The following ESRRG variants were observed in gnomAD, a reference collection of about 807,000 sequenced individuals.
The protein encoded by ESRRG is estrogen related receptor gamma.
ESRRG carries 13 observed loss-of-function variants against 44.0 expected under a neutral mutation model. The observed-to-expected ratio is 0.30, with a 90% CI of 0.19 to 0.47. ESRRG has a LOEUF of 0.47. Ranked by LOEUF, ESRRG falls within the 20% of genes least tolerant of loss-of-function variation. ESRRG has a pLI of 1.00. For missense variants in ESRRG, 395 were observed against 580.6 expected, an observed-to-expected ratio of 0.68 and a Z score of 3.29; for synonymous variants, 215 against 214.6, an observed-to-expected ratio of 1.00 and a Z score of -0.02.
intron 1 of ESRRG, among the ~76,000 whole-genome samples, chr1:217,036,120 C>T (rs2082849832): frequency 6.6e-6 from 1 of 152,114 alleles, no homozygotes. Flanking sequence ...ACTATTATCT[C>T]AAGCCAGTCA....
chr1:216,773,983 T>A (rs1172772036), intron 2 of ESRRG, among the ~76,000 whole-genome samples: 3 of 152,094 alleles, frequency 2.0e-5, no homozygotes, highest in Non-Finnish European at 4.4e-5. Context: ...TAGAGTATGA[T>A]CTTTTGTTTA....
intron 3 of ESRRG, among the ~76,000 whole-genome samples, chr1:216,580,259 G>T (rs10863257): frequency 0.18 from 27,198 of 152,072 alleles, 3,081 homozygotes; most frequent in Middle Eastern, 0.26. Context: ...AAACTGGAAT[G>T]TACACAGACA....
intron 2 of ESRRG, among the ~76,000 whole-genome samples, chr1:216,735,488 G>A (rs752048963): frequency 7.4e-4 from 113 of 152,146 alleles, no homozygotes; most frequent in Non-Finnish European, 1.3e-3. Context: ...GATTACAGGC[G>A]TGAGCCACCA....
chr1:216,887,691 C>T (rs552757843), intron 2 of ESRRG, among the ~76,000 whole-genome samples: 1 of 152,190 alleles, frequency 6.6e-6, no homozygotes, highest in East Asian at 1.9e-4. Context: ...GAAACTCCTA[C>T]CCACTTCCTC....
At chr1:216,857,492 G>T (rs2095968924) in intron 2 of ESRRG, among the ~76,000 whole-genome samples, 2 of 151,868 alleles carry the variant, frequency 1.3e-5, no homozygotes, top group Non-Finnish European at 2.9e-5. Context: ...TTAAATTCTG[G>T]ACACATAAAA....
chr1:216,577,872 T>C (rs755015379), intron 3 of ESRRG, among the ~76,000 whole-genome samples: 16 of 152,154 alleles, frequency 1.1e-4, no homozygotes, highest in South Asian at 8.3e-4. Flanking sequence ...ACGGGCAACC[T>C]TGGAAGAGCC....
intron 2 of ESRRG, among the ~76,000 whole-genome samples, chr1:216,850,774 T>TCA (rs2095830255): frequency 6.6e-6 from 1 of 152,054 alleles, no homozygotes; most frequent in Admixed American, 6.6e-5. Flanking sequence ...AGATTGATGA[T>TCA]ATTGATCATA....
intron 2 of ESRRG, among the ~76,000 whole-genome samples, chr1:216,822,192 GC>G (rs1296992889): frequency 6.6e-6 from 1 of 152,132 alleles, no homozygotes; most frequent in African/African-American, 2.4e-5. Context: ...AATGTACTGT[GC>G]CCAGCCTACA....
intron 2 of ESRRG, among the ~76,000 whole-genome samples, chr1:216,764,719 T>C (rs944830658): frequency 6.6e-6 from 1 of 152,102 alleles, no homozygotes; most frequent in South Asian, 2.1e-4. Flanking sequence ...AGAAAAAAAA[T>C]TTGTATCCCT....
intron 2 of ESRRG, among the ~76,000 whole-genome samples, chr1:216,730,623 G>T (rs558668145): frequency 1.3e-5 from 2 of 152,258 alleles, no homozygotes; most frequent in East Asian, 3.9e-4. Flanking sequence ...TGTCTTGGAT[G>T]AGTGAATGAA....
intron 1 of ESRRG, among the ~76,000 whole-genome samples, chr1:217,005,173 C>CT (rs949095255): frequency 3.3e-5 from 5 of 152,172 alleles, no homozygotes; most frequent in Admixed American, 3.3e-4. Flanking sequence ...TTTCATTAGA[C>CT]TTTTTTAAAT....
At chr1:216,530,156 A>G (rs12239139) in intron 5 of ESRRG, among the ~76,000 whole-genome samples, 4,876 of 150,950 alleles carry the variant, frequency 0.032, 290 homozygotes, top group African/African-American at 0.11. Flanking sequence ...AAGAATAGTA[A>G]CTGCCATGGT....
intron 2 of ESRRG, among the ~76,000 whole-genome samples, chr1:216,861,867 T>C (rs2096060398): frequency 1.3e-5 from 2 of 152,018 alleles, no homozygotes; most frequent in Non-Finnish European, 1.5e-5. Context: ...AAAAACCTAA[T>C]ACAAAAGTAG....
intron 2 of ESRRG, among the ~76,000 whole-genome samples, chr1:216,732,854 G>T (rs2089136469): frequency 6.8e-6 from 1 of 146,628 alleles, no homozygotes; most frequent in Non-Finnish European, 1.5e-5. Flanking sequence ...AAAAAAGGGG[G>T]GGGAGGAGGG....
intron 1 of ESRRG, among the ~76,000 whole-genome samples, chr1:217,009,499 G>A (rs892124755): frequency 6.6e-6 from 1 of 152,030 alleles, no homozygotes; most frequent in East Asian, 1.9e-4. Flanking sequence ...CAATTAAAAT[G>A]GCAAGCTATA....
Position 216,627,527 on chromosome 1 carries a change from G to C in ESRRG, c.589+23446C>G, listed in dbSNP as rs77520880. Among the ~76,000 whole-genome samples, 323 of 152,254 alleles carry C rather than the reference G, an allele frequency of 2.1e-3. 11 individuals carry two copies. In the East Asian group the frequency reaches 0.056, roughly 27 times the overall value. On this transcript the variant is annotated intron_variant, in intron 3 of 6. Transcript: ENST00000408911. The stretch of plus-strand genomic sequence containing the variant: ...TTTGCTTACTCTACTTTGCTGCGCA[G>C]GGTCAAGATATAAACATTGAAACAA...
intron 2 of ESRRG, chr1:216,854,924 T>C (rs1306972800): frequency 6.6e-6 from 1 of 152,180 alleles, no homozygotes; most frequent in Admixed American, 6.5e-5. Context: ...AAGATGCTCA[T>C]AAAGCATAGA....
At chr1:216,542,959 AG>A (rs1382337130) in intron 5 of ESRRG, among the ~76,000 whole-genome samples, 1 of 152,024 alleles carries the variant, frequency 6.6e-6, no homozygotes, top group African/African-American at 2.4e-5. Flanking sequence ...GAAAATGTAC[AG>A]CAGTGTTTTT....
At chr1:216,658,358 G>A (rs2071186304) in intron 2 of ESRRG, among the ~76,000 whole-genome samples, 1 of 151,986 alleles carries the variant, frequency 6.6e-6, no homozygotes, top group Admixed American at 6.6e-5. Context: ...TGTAAACATG[G>A]GCATTCCTTT....
Sources: gnomAD v4.1 joint callset for allele counts (sites outside exome capture counted in the v4.1 genomes callset) on GRCh38, gnomAD v4.1.1 for gene constraint, MANE v1.5 for transcripts, NCBI Gene and HGNC (gene_info 2026-07-23, HGNC 2026-07-21) for gene names.